Variants in CLEC12A observed in about 807,000 individuals in gnomAD.
The protein encoded by CLEC12A is C-type lectin domain family 12 member A.
In CLEC12A, 22 loss-of-function variants were observed where a neutral mutation model predicts 26.5. The ratio of observed to expected loss-of-function variants is 0.83; its 90% confidence interval spans 0.59 to 1.19. CLEC12A has a LOEUF of 1.19. Ranked by LOEUF, CLEC12A falls within the 50% of genes most tolerant of loss-of-function variation. CLEC12A has a pLI of 0.00. For missense variants in CLEC12A, 353 were observed against 315.6 expected (o/e 1.12, Z -0.90); for synonymous variants, 119 against 101.9 (o/e 1.17, Z -1.01).
At chr12:9,990,686 T>A (rs1359595375) in intron 4 of CLEC12A, among the ~76,000 whole-genome samples, 1 of 152,208 alleles carries the variant, frequency 6.6e-6, no homozygotes, top group Non-Finnish European at 1.5e-5. Context: ...AGTAGCAGGA[T>A]TTGAGAGGAC....
chr12:9,965,364 A>C lies in CLEC12A; in HGVS notation c.11-6213A>C, dbSNP rs541636599. ...GGGAGAGCACATGTGTTTTTATGAGAATTATGCTGAGATAGGTAAGAGATG... is the reference window on the plus strand; with the variant it reads ...GGGAGAGCACATGTGTTTTTATGAGCATTATGCTGAGATAGGTAAGAGATG... On this transcript the variant is annotated intron_variant, in intron 1 of 6. Coordinates refer to the CLEC12A transcript ENST00000355690. Among the ~76,000 whole-genome samples, 13 of 152,182 alleles carry C rather than the reference A, an allele frequency of 8.5e-5. No homozygotes were observed. The South Asian group carries it at 1.9e-3, about 22-fold the overall frequency.
rs1044206303 is a variant in CLEC12A at position 9,994,996 on chromosome 12, A to T, written n.1005-22A>T. 2.6e-6 allele frequency: 4 copies of T among 1,548,780 alleles called. No individual in the cohort carries two copies. In the Admixed American group the frequency reaches 5.3e-5, roughly 20 times the overall value. ...GAGGGGAAAGAATTGTCTTATGACCAGCGCTGTCTTGTTTGAATTAGCAGG... is the reference window on the plus strand; with the variant it reads ...GAGGGGAAAGAATTGTCTTATGACCTGCGCTGTCTTGTTTGAATTAGCAGG... On this transcript the variant is annotated intron_variant and non_coding_transcript_variant, in intron 4 of 4. Transcript: ENST00000449959.
At chr12:9,959,396 G>T (rs2137101381) in intron 1 of CLEC12A, among the ~76,000 whole-genome samples, 1 of 151,332 alleles carries the variant, frequency 6.6e-6, no homozygotes, top group South Asian at 2.1e-4. Context: ...AGGTTGCAGT[G>T]AGTAGAGATT....
chr12:9,984,886 C>A lies in CLEC12A; in HGVS notation c.658C>A (p.Pro220Thr). The change falls in exon 6 of 6, where the codon CCT (proline) becomes ACT (threonine). Residue 220 changes from proline to threonine, a missense_variant. Coordinates refer to ENST00000304361, the MANE Select transcript of CLEC12A (RefSeq NM_138337.6). ...CTCTTTCAGGGTTATAAGAAACGCA[C>A]CTGACTTAAATAACATGTATTGTGG... Reference protein sequence around the residue: ...NSSAWVIRNAPDLNNMYCGYI... With the variant: ...NSSAWVIRNATDLNNMYCGYI... 6.6e-7 allele frequency: 1 copy of A among 1,525,398 alleles called. No individual in the cohort carries two copies. 94.5% of individuals were successfully genotyped at this position (1,525,398 alleles called of 1,614,324 possible).
chr12:9,956,089 T>C (rs532819152), intron 1 of CLEC12A, among the ~76,000 whole-genome samples: 1 of 152,302 alleles, frequency 6.6e-6, no homozygotes, highest in East Asian at 1.9e-4. Flanking sequence ...TTTGGAGATA[T>C]AGATCTGAGA....
In CLEC12A at chr12:9,953,495, C is replaced by T. The variant is rs866721912; in HGVS notation, c.10+2139C>T. On this transcript the variant is annotated intron_variant, in intron 1 of 6. Transcript: ENST00000355690. ...CCCCCGCCCAGCCAGCCGCCCCGTC[C>T]GGGAGGTGAGGGGCGCCTCTGCCCG... Among the ~76,000 whole-genome samples the T allele has an allele frequency of 2.8e-3, 314 of 110,412 alleles. 5 individuals carry two copies. Among genetic ancestry groups the T allele is most frequent in the African/African-American group, 8.0e-3 (284 of 35,380 alleles). 72.4% of individuals were successfully genotyped at this position (110,412 alleles called of 152,430 possible).
At chr12:9,998,449 G>A (rs1365036790), downstream of CLEC12A, 1 of 1,052,778 alleles carries the variant, frequency 9.5e-7, no homozygotes, top group Non-Finnish European at 1.5e-6. Context: ...GCTCACCCCT[G>A]CCCCTGCCCC....
downstream of CLEC12A, chr12:9,999,339 T>C (rs1169983830): frequency 2.7e-6 from 1 of 370,400 alleles, no homozygotes; most frequent in African/African-American, 2.1e-5. Flanking sequence ...TAACTTGTGG[T>C]AAAGGAGTAG....
At chr12:9,982,970 C>T (rs923178265) in intron 5 of CLEC12A, among the ~76,000 whole-genome samples, 1 of 151,980 alleles carries the variant, frequency 6.6e-6, no homozygotes, top group African/African-American at 2.4e-5. Context: ...TCATGATTTC[C>T]TTCTTTTTTA....
chr12:10,002,991 C>T, the CLEC12A span, among the ~76,000 whole-genome samples: 55 of 152,224 alleles, frequency 3.6e-4, 1 homozygote, highest in African/African-American at 1.3e-3. Flanking sequence ...ATATTTTACA[C>T]ATGTAAAATA....
At chr12:9,996,523 G>A (rs1009106386), downstream of CLEC12A, among the ~76,000 whole-genome samples, 2 of 146,886 alleles carry the variant, frequency 1.4e-5, no homozygotes, top group Admixed American at 1.3e-4. Context: ...AACAGTAAGT[G>A]GACAGCACAG....
intron 1 of CLEC12A, among the ~76,000 whole-genome samples, chr12:9,964,376 G>C (rs571967176): frequency 2.0e-4 from 30 of 152,168 alleles, no homozygotes; most frequent in African/African-American, 7.2e-4. Context: ...GAGTTTGTTC[G>C]CTAAGGAGGG....
intron 1 of CLEC12A, among the ~76,000 whole-genome samples, chr12:9,978,077 G>A (rs990333009): frequency 1.3e-5 from 2 of 152,028 alleles, no homozygotes; most frequent in African/African-American, 4.8e-5. Flanking sequence ...ATTGTCTCTG[G>A]ATTTCACAAT....
chr12:9,974,610 A>T (rs944427255), intron 1 of CLEC12A, among the ~76,000 whole-genome samples: 1 of 152,202 alleles, frequency 6.6e-6, no homozygotes, highest in Non-Finnish European at 1.5e-5. Flanking sequence ...ATATTTAAAT[A>T]CAATTTTCAA....
At chr12:10,004,651 C>T in the CLEC12A span, among the ~76,000 whole-genome samples, 1 of 151,916 alleles carries the variant, frequency 6.6e-6, no homozygotes, top group Non-Finnish European at 1.5e-5. Flanking sequence ...GGGGGCATGG[C>T]AGGCCAAAAG....
intron 1 of CLEC12A, among the ~76,000 whole-genome samples, chr12:9,963,212 G>T (rs1333939569): frequency 6.6e-6 from 1 of 152,056 alleles, no homozygotes; most frequent in African/African-American, 2.4e-5. Context: ...GTCCAAGGGG[G>T]TTCAGCATAA....
intron 1 of CLEC12A, among the ~76,000 whole-genome samples, 158 bp downstream of exon 1, chr12:9,971,845 A>T (rs892107874): frequency 1.2e-4 from 18 of 152,188 alleles, no homozygotes; most frequent in Admixed American, 1.2e-3. Context: ...GAACAAAATG[A>T]TTAGAAAAAA....
chr12:9,975,911 G>C lies in CLEC12A; in HGVS notation c.92-3055G>C, dbSNP rs1031834503. ...TCCAGCCATGACTAAAAGAGGCTAAGGTACAGCTCAGGTCATGGCTTCGGA... is the reference window on the plus strand; with the variant it reads ...TCCAGCCATGACTAAAAGAGGCTAACGTACAGCTCAGGTCATGGCTTCGGA... On this transcript the variant is annotated intron_variant, in intron 1 of 5. Transcript: ENST00000304361. Among the ~76,000 whole-genome samples the C allele has an allele frequency of 2.0e-5, 3 of 152,286 alleles. No homozygotes were observed. In the East Asian group the frequency reaches 5.8e-4, roughly 29 times the overall value.
At chr12:9,995,078 A>G in exon 5 of CLEC12A, 1 of 1,602,604 alleles carries the variant, frequency 6.2e-7, no homozygotes, top group Non-Finnish European at 8.5e-7. Context: ...CTGAGAGAAG[A>G]GGGAATCTCA....
Sources: allele counts gnomAD v4.1 joint callset (sites outside exome capture counted in the v4.1 genomes callset), GRCh38; gene constraint gnomAD v4.1.1; transcripts MANE v1.5; gene names NCBI Gene and HGNC (gene_info 2026-07-23, HGNC 2026-07-21).